The following UBXN10 variants were observed in gnomAD, a reference collection of about 807,000 sequenced individuals.
UBXN10 encodes the protein UBX domain-containing protein 10.
UBXN10 carries 6 observed loss-of-function variants against 6.9 expected under a neutral mutation model. The observed-to-expected ratio is 0.87, with a 90% CI of 0.48 to 1.72. The LOEUF is 1.72. Ranked by LOEUF, UBXN10 falls within the 40% of genes most tolerant of loss-of-function variation. The pLI is 0.01. For missense variants in UBXN10, 317 were observed against 348.4 expected, an observed-to-expected ratio of 0.91 and a Z score of 0.72; for synonymous variants, 131 against 135.2, an observed-to-expected ratio of 0.97 and a Z score of 0.21.
Position 20,187,829 on chromosome 1 carries a change from AT to A in UBXN10, c.-16+1677del, listed in dbSNP as rs1234282521. Among the ~76,000 whole-genome samples, 1 of 152,248 alleles carries A rather than the reference AT, an allele frequency of 6.6e-6. No homozygotes were observed. Among genetic ancestry groups the A allele is most frequent in the Non-Finnish European group, 1.5e-5 (1 of 68,042 alleles). Reference sequence around the variant, plus strand: ...TACTCAAGTTTTACTGTTAAAAATAATCCCACAGAGAGCCTGTGAGAACACA... The same window carrying A: ...TACTCAAGTTTTACTGTTAAAAATAACCCACAGAGAGCCTGTGAGAACACA... On this transcript the variant is annotated intron_variant, in intron 1 of 1. Transcript: ENST00000375099. This position sits in a 1 kb window ranked among gnomAD's most constrained non-coding sequence, Gnocchi z 4.6.
chr1:20,191,506 G>A lies in UBXN10; in HGVS notation c.*102G>A. 1 of 1,513,242 alleles carries A rather than the reference G, an allele frequency of 6.6e-7. No homozygotes were observed. 93.7% of individuals were successfully genotyped at this position (1,513,242 alleles called of 1,614,324 possible). On this transcript the variant is annotated 3_prime_UTR_variant, in exon 2 of 2. Transcript: ENST00000375099. This position sits in a 1 kb window ranked among gnomAD's most constrained non-coding sequence, Gnocchi z 4.5. The stretch of plus-strand genomic sequence containing the variant: ...CTGTTTCAAGTGCCATGTGGACCTG[G>A]TGCAGCTGGGAAGCTTGGGACTCTC...
rs981020638 is a variant in UBXN10, at chr1:20,195,169, A to T, written c.*3765A>T. On this transcript the variant is annotated 3_prime_UTR_variant, in exon 2 of 2. Transcript: ENST00000375099. ...CTTCTCCCAGCCCTTTCTGACGTTC[A>T]TCTGTGTGCCTTTATGTTCAAACAG... is the stretch of plus-strand genomic sequence containing the variant. 2 of 167,118 alleles carry T rather than the reference A, an allele frequency of 1.2e-5. No individual in the cohort carries two copies. The highest frequency in any genetic ancestry group is 2.9e-5 in the Non-Finnish European group (2 of 68,120). 10.4% of individuals were successfully genotyped at this position (167,118 alleles called of 1,614,324 possible).
Position 20,188,708 on chromosome 1 carries a change from A to G in UBXN10, c.-15-1839A>G, listed in dbSNP as rs549515853. 2.0e-5 allele frequency among the ~76,000 whole-genome samples: 3 copies of G among 152,322 alleles called. No homozygotes were observed. The South Asian group carries it at 6.2e-4, about 32-fold the overall frequency. ...GAGGCAACTGCGTAGGTGGTAGCTC[A>G]TTGCAGTCCACCTCCCTGCATTTCT... On this transcript the variant is annotated intron_variant, in intron 1 of 1. Coordinates refer to ENST00000375099, the MANE Select transcript of UBXN10 (RefSeq NM_152376.5).
Position 20,191,581 on chromosome 1 carries a change from C to A in UBXN10, c.*177C>A, listed in dbSNP as rs1187015407. The stretch of plus-strand genomic sequence containing the variant: ...CAGTGAAGTCTGTGCCTATGCCGAG[C>A]GCGCTAAGAAGTCTCCCTTCCAGCT... On this transcript the variant is annotated 3_prime_UTR_variant, in exon 2 of 2. Transcript: ENST00000375099. This position sits in a 1 kb window ranked among gnomAD's most constrained non-coding sequence, Gnocchi z 4.5. 3 of 977,718 alleles carry A rather than the reference C, an allele frequency of 3.1e-6. No individual in the cohort carries two copies. The highest frequency in any genetic ancestry group is 4.4e-6 in the Non-Finnish European group (3 of 679,238). 60.6% of individuals were successfully genotyped at this position (977,718 alleles called of 1,614,324 possible). A position where few individuals can be genotyped will look rare whatever the true frequency, so the allele number is the denominator to read the frequency against.
At chr1:20,184,188 T>TGCGCAC (rs1192783712), upstream of UBXN10, 1 of 137,834 alleles carries the variant, frequency 7.3e-6, no homozygotes, top group Admixed American at 7.2e-5. Flanking sequence ...CGCGCGTGCG[T>TGCGCAC]GCGCACACGC....
Position 20,193,925 on chromosome 1 carries a change from G to A in UBXN10, c.*2521G>A, listed in dbSNP as rs1184296525. 6.0e-6 allele frequency: 1 copy of A among 167,092 alleles called. No individual in the cohort carries two copies. Among genetic ancestry groups the A allele is most frequent in the Non-Finnish European group, 1.5e-5 (1 of 68,134 alleles). 10.4% of individuals were successfully genotyped at this position (167,092 alleles called of 1,614,324 possible). On this transcript the variant is annotated 3_prime_UTR_variant, in exon 2 of 2. Coordinates refer to ENST00000375099, the MANE Select transcript of UBXN10 (RefSeq NM_152376.5). ...TGGTGGCTTTGGGTGGGTCAGCCTT[G>A]CCCAGTTTGGGGTCATAGACCTCAG...
rs1413791669 is a variant in UBXN10 at position 20,194,384 on chromosome 1, C to G, written c.*2980C>G. On this transcript the variant is annotated 3_prime_UTR_variant, in exon 2 of 2. Coordinates refer to ENST00000375099, the MANE Select transcript of UBXN10 (RefSeq NM_152376.5). ...CAGATGGCAGGTGGTTATAACACAA[C>G]AGATCTTGCCCTGAGAATATCTGGG... is the stretch of plus-strand genomic sequence containing the variant. 1 of 167,096 alleles carries G rather than the reference C, an allele frequency of 6.0e-6. No homozygotes were observed. Among genetic ancestry groups the G allele is most frequent in the African/African-American group, 2.4e-5 (1 of 41,448 alleles). The allele number at this position is 167,096 out of a possible 1,614,324, so 10.4% of individuals were successfully genotyped here.
chr1:20,191,605 C>A lies in UBXN10; in HGVS notation c.*201C>A. ...GCGCGCTAAGAAGTCTCCCTTCCAG[C>A]TGTTCCATTCTCTCCACCACCAGCG... On this transcript the variant is annotated 3_prime_UTR_variant, in exon 2 of 2. Transcript: ENST00000375099. The surrounding 1 kb of genome is among the most constrained non-coding windows in gnomAD (Gnocchi z 4.5). The A allele has an allele frequency of 1.4e-6, 1 of 720,618 alleles. No individual in the cohort carries two copies. The highest frequency in any genetic ancestry group is 2.2e-6 in the Non-Finnish European group (1 of 458,450). The allele number at this position is 720,618 out of a possible 1,614,324, so 44.6% of individuals were successfully genotyped here.
At chr1:20,185,179 C>A (rs554776875), upstream of UBXN10, among the ~76,000 whole-genome samples, 26 of 152,086 alleles carry the variant, frequency 1.7e-4, no homozygotes, top group African/African-American at 6.3e-4. Context: ...GAGAGAGAAC[C>A]CAGTGGTCGG....
In UBXN10 at chr1:20,190,649, A is replaced by G. The variant is rs773586084; in HGVS notation, c.88A>G (p.Asn30Asp). 7.4e-6 allele frequency: 12 copies of G among 1,614,044 alleles called. No homozygotes were observed. Among genetic ancestry groups the G allele is most frequent in the Admixed American group, 5.0e-5 (3 of 60,012 alleles). Reference protein sequence around the residue: ...TAVDSLIWQPNSLNMHMIRPK... With the variant: ...TAVDSLIWQPDSLNMHMIRPK... ...AGTTGACAGCCTCATTTGGCAGCCA[A>G]ACTCACTAAATATGCACATGATAAG... Residue 30 changes from asparagine (N) to aspartate (D), a missense_variant, in exon 2 of 2, where the codon AAC (asparagine) becomes GAC (aspartate). Physicochemically the swap from Asn to Asp is conservative, Grantham distance 23. Coordinates refer to ENST00000375099, the MANE Select transcript of UBXN10 (RefSeq NM_152376.5).
intron 1 of UBXN10, among the ~76,000 whole-genome samples, chr1:20,186,795 T>C (rs2018405135): frequency 6.6e-6 from 1 of 150,492 alleles, no homozygotes; most frequent in African/African-American, 2.5e-5. Flanking sequence ...TAGTTTGGGG[T>C]AGAACTGGGA....
chr1:20,188,359 C>T (rs1369486266), intron 1 of UBXN10, among the ~76,000 whole-genome samples: 1 of 152,072 alleles, frequency 6.6e-6, no homozygotes, highest in East Asian at 1.9e-4. Context: ...ACATAGAGGC[C>T]TTTAAAAGAG....
In UBXN10 at chr1:20,187,503, A is replaced by G. The variant is rs894267044; in HGVS notation, c.-16+1350A>G. On this transcript the variant is annotated intron_variant, in intron 1 of 1. Transcript: ENST00000375099. The surrounding 1 kb of genome is among the most constrained non-coding windows in gnomAD (Gnocchi z 4.6). ...AGATCCCCAAACACCTGTTTCCCCC[A>G]CCGCCCATCCCTGTGTGATGGGTGC... Among the ~76,000 whole-genome samples, 18 of 135,844 alleles carry G rather than the reference A, an allele frequency of 1.3e-4. No homozygotes were observed. The highest frequency in any genetic ancestry group is 7.7e-5 in the Non-Finnish European group (5 of 64,816). 89.1% of individuals were successfully genotyped at this position (135,844 alleles called of 152,430 possible). A position where few individuals can be genotyped will look rare whatever the true frequency, so the allele number is the denominator to read the frequency against.
chr1:20,187,122 C>A lies in UBXN10; in HGVS notation c.-16+969C>A, dbSNP rs2018413047. ...AGCAGGAGCCCTGCTTTAGCTTCTC[C>A]TATCCACATTTCCTTCTTTCCAGTT... On this transcript the variant is annotated intron_variant, in intron 1 of 1. Transcript: ENST00000375099. This position sits in a 1 kb window ranked among gnomAD's most constrained non-coding sequence, Gnocchi z 4.6. Among the ~76,000 whole-genome samples, 1 of 151,960 alleles carries A rather than the reference C, an allele frequency of 6.6e-6. No homozygotes were observed. Among genetic ancestry groups the A allele is most frequent in the African/African-American group, 2.4e-5 (1 of 41,352 alleles).
In UBXN10 at chr1:20,191,635, T is replaced by A. The variant is rs867552251; in HGVS notation, c.*231T>A. On this transcript the variant is annotated 3_prime_UTR_variant, in exon 2 of 2. Transcript: ENST00000375099. This position sits in a 1 kb window ranked among gnomAD's most constrained non-coding sequence, Gnocchi z 4.5. ...CCATTCTCTCCACCACCAGCGTAAC[T>A]GGCAAGTTACCAAGGTTGTTCCTGA... is the stretch of plus-strand genomic sequence containing the variant. The A allele has an allele frequency of 3.6e-6, 2 of 557,732 alleles. No homozygotes were observed. Among genetic ancestry groups the A allele is most frequent in the Non-Finnish European group, 3.0e-6 (1 of 327,996 alleles). 34.5% of individuals were successfully genotyped at this position (557,732 alleles called of 1,614,324 possible).
chr1:20,191,152 A>G lies in UBXN10; in HGVS notation c.591A>G (p.Pro197=), dbSNP rs200119494. 19 of 1,614,194 alleles carry G rather than the reference A, an allele frequency of 1.2e-5. No individual in the cohort carries two copies. In the South Asian group the frequency reaches 2.1e-4, roughly 18 times the overall value. ...TGGAGGAACCATCGGACCAAGAACCAAGGTTGCTGCTTGCTGTTAGATCAC... is the reference window on the plus strand; with the variant it reads ...TGGAGGAACCATCGGACCAAGAACCGAGGTTGCTGCTTGCTGTTAGATCAC... The part of the protein sequence containing the change: ...GNLEEPSDQE[P]RLLLAVRSPT... The change falls in exon 2 of 2, where the codon CCA becomes CCG. Residue 197 remains proline (P), a synonymous_variant. Transcript: ENST00000375099. This position sits in a 1 kb window ranked among gnomAD's most constrained non-coding sequence, Gnocchi z 4.5.
intron 1 of UBXN10, among the ~76,000 whole-genome samples, chr1:20,190,293 C>A (rs1368014147): frequency 6.6e-6 from 1 of 152,088 alleles, no homozygotes; most frequent in African/African-American, 2.4e-5. Flanking sequence ...TTGAAAATAT[C>A]TATTTACTTG....
chr1:20,184,388 G>A (rs553036151), upstream of UBXN10: 25 of 152,314 alleles, frequency 1.6e-4, no homozygotes, highest in African/African-American at 4.3e-4. Context: ...GAAATAAGCC[G>A]TCAGCACTCA....
upstream of UBXN10, among the ~76,000 whole-genome samples, chr1:20,183,423 G>C (rs929665210): frequency 3.9e-5 from 6 of 152,212 alleles, no homozygotes; most frequent in Non-Finnish European, 7.3e-5. Flanking sequence ...CTGGGGTCCA[G>C]GGTGGGCTTT....
Sources: gnomAD v4.1 joint callset for allele counts (sites outside exome capture counted in the v4.1 genomes callset) on GRCh38, gnomAD v4.1.1 for gene constraint, Gnocchi (gnomAD v3.1) non-coding constraint, MANE v1.5 for transcripts, NCBI Gene and HGNC (gene_info 2026-07-23, HGNC 2026-07-21) for gene names.